The following GRM7 variants were observed in gnomAD, a reference collection of about 807,000 sequenced individuals.
GRM7 encodes the protein glutamate metabotropic receptor 7, also known as metabotropic glutamate receptor 7.
In GRM7, 35 loss-of-function variants were observed where a neutral mutation model predicts 84.5. The ratio of observed to expected loss-of-function variants is 0.41; its 90% CI spans 0.32 to 0.55. The LOEUF is 0.55. GRM7 is among the 20% of genes least tolerant of loss of function. The probability of loss-of-function intolerance (pLI) is 0.19; values close to 1 mark genes in which losing one functional copy is unlikely to be tolerated. For synonymous variants in GRM7, 487 were observed against 455.1 expected (o/e 1.07, Z -0.89); for missense variants, 1,003 against 1,194.6 (o/e 0.84, Z 2.36).
At chr3:7,466,049 G>A (rs1457985877) in intron 7 of GRM7, among the ~76,000 whole-genome samples, 1 of 152,122 alleles carries the variant, frequency 6.6e-6, no homozygotes, top group Non-Finnish European at 1.5e-5. Context: ...TCTTCTGATT[G>A]TAACCTCTAC....
At chr3:7,514,393 C>T (rs541066896) in intron 7 of GRM7, among the ~76,000 whole-genome samples, 19 of 152,274 alleles carry the variant, frequency 1.2e-4, no homozygotes, top group Admixed American at 2.6e-4. Context: ...GGGATAGAAT[C>T]TCAAAATACC....
At chr3:7,216,077 A>C (rs560625224) in intron 2 of GRM7, among the ~76,000 whole-genome samples, 1 of 152,198 alleles carries the variant, frequency 6.6e-6, no homozygotes. Flanking sequence ...AAAAATAATA[A>C]AGTGAATTTA....
At chr3:6,939,034 G>A (rs1697792921) in intron 1 of GRM7, among the ~76,000 whole-genome samples, 2 of 152,170 alleles carry the variant, frequency 1.3e-5, no homozygotes, top group Non-Finnish European at 2.9e-5. Flanking sequence ...AATACCAACT[G>A]CTAGAGTTTT....
intron 9 of GRM7, among the ~76,000 whole-genome samples, chr3:7,716,252 A>G (rs1217995304): frequency 6.6e-6 from 1 of 152,132 alleles, no homozygotes; most frequent in Non-Finnish European, 1.5e-5. Flanking sequence ...TCCTTCTTAC[A>G]ATCCATTCTA....
At chr3:7,687,219 A>G (rs2125147510) in intron 9 of GRM7, among the ~76,000 whole-genome samples, 1 of 152,356 alleles carries the variant, frequency 6.6e-6, no homozygotes, top group African/African-American at 2.4e-5. Flanking sequence ...TCAAATAAAT[A>G]GATTAGAGAA....
intron 2 of GRM7, among the ~76,000 whole-genome samples, chr3:7,154,308 G>A (rs1694378675): frequency 6.6e-6 from 1 of 152,122 alleles, no homozygotes; most frequent in Non-Finnish European, 1.5e-5. Flanking sequence ...ACAAATCTCA[G>A]ATGTTTATCT....
At chr3:6,916,853 A>T (rs1051472645) in intron 1 of GRM7, among the ~76,000 whole-genome samples, 3 of 152,128 alleles carry the variant, frequency 2.0e-5, no homozygotes, top group Non-Finnish European at 4.4e-5. Flanking sequence ...CAATCCTGAT[A>T]TGTAAGAAGA....
At chr3:7,171,751 T>G (rs1037346722) in intron 2 of GRM7, among the ~76,000 whole-genome samples, 1 of 152,170 alleles carries the variant, frequency 6.6e-6, no homozygotes, top group Non-Finnish European at 1.5e-5. Flanking sequence ...AGGCGTGACT[T>G]GATGAGAACT....
intron 8 of GRM7, among the ~76,000 whole-genome samples, chr3:7,588,351 G>C (rs745810008): frequency 2.0e-5 from 3 of 152,126 alleles, no homozygotes; most frequent in African/African-American, 7.2e-5. Context: ...GGCTCAGCTT[G>C]TTACCTTTTA....
At chr3:6,869,042 C>A (rs1041921028) in intron 1 of GRM7, among the ~76,000 whole-genome samples, 1 of 152,100 alleles carries the variant, frequency 6.6e-6, no homozygotes, top group Non-Finnish European at 1.5e-5. Context: ...TTTTAAAGGG[C>A]TCTTTAAACA....
At chr3:7,372,431 T>A (rs1000316554) in intron 4 of GRM7, among the ~76,000 whole-genome samples, 4 of 152,162 alleles carry the variant, frequency 2.6e-5, no homozygotes, top group African/African-American at 9.7e-5. Flanking sequence ...TAAGACATGC[T>A]GGATTTTAGA....
intron 4 of GRM7, among the ~76,000 whole-genome samples, chr3:7,400,962 A>T (rs905915074): frequency 2.7e-5 from 4 of 150,044 alleles, no homozygotes; most frequent in East Asian, 2.0e-4. Flanking sequence ...AATCATTTAA[A>T]TTTTTTTTTT....
At chr3:7,433,803 T>C (rs752696861) in intron 5 of GRM7, among the ~76,000 whole-genome samples, 10 of 152,314 alleles carry the variant, frequency 6.6e-5, no homozygotes, top group Non-Finnish European at 1.2e-4. Context: ...AAAATAGAAT[T>C]TTGTCTGTAT....
In GRM7 at chr3:7,060,374, T is replaced by A. The variant is rs564977109; in HGVS notation, c.520-86078T>A. On this transcript the variant is annotated intron_variant, in intron 1 of 9. Transcript: ENST00000357716. ...ATTTGGGTGGGGCTATATGTCTAGT[T>A]TTCACTGACTGAGTAGGGGCAGAAA... Among the ~76,000 whole-genome samples the A allele has an allele frequency of 2.0e-5, 3 of 151,864 alleles. No individual in the cohort carries two copies. The South Asian group carries it at 6.2e-4, about 32-fold the overall frequency.
chr3:7,201,001 A>C, intron 2 of GRM7, among the ~76,000 whole-genome samples: 1 of 115,666 alleles, frequency 8.6e-6, no homozygotes, highest in Admixed American at 1.2e-4. Flanking sequence ...ACACAGTCTC[A>C]CTCTGTCGCC....
chr3:7,262,030 G>A (rs1410996708), intron 2 of GRM7, among the ~76,000 whole-genome samples: 1 of 150,766 alleles, frequency 6.6e-6, no homozygotes, highest in African/African-American at 2.4e-5. Flanking sequence ...TTTCTGCTGA[G>A]AGGTCCACTG....
chr3:7,014,069 G>A (rs180723346), intron 1 of GRM7, among the ~76,000 whole-genome samples: 75 of 152,236 alleles, frequency 4.9e-4, no homozygotes, highest in Admixed American at 1.5e-3. Context: ...GTGTACAGCC[G>A]TCAATGCTTT....
chr3:7,024,262 G>T (rs577659747), intron 1 of GRM7, among the ~76,000 whole-genome samples: 1 of 152,194 alleles, frequency 6.6e-6, no homozygotes, highest in South Asian at 2.1e-4. Flanking sequence ...GTCAGGGAAG[G>T]CTTAATGTCT....
chr3:6,912,148 A>G (rs1022167507), intron 1 of GRM7, among the ~76,000 whole-genome samples: 5 of 152,190 alleles, frequency 3.3e-5, no homozygotes, highest in Admixed American at 2.0e-4. Context: ...CTCCCACAGG[A>G]CATTAATTGA....
Sources: gnomAD v4.1 joint callset for allele counts (sites outside exome capture counted in the v4.1 genomes callset) on GRCh38, gnomAD v4.1.1 for gene constraint, MANE v1.5 for transcripts, NCBI Gene and HGNC (gene_info 2026-07-23, HGNC 2026-07-21) for gene names.